BTBD8: variants seen among roughly 807,000 people sequenced by gnomAD.
BTBD8 encodes BTB/POZ domain-containing protein 8.
Under a neutral mutation model 162.9 loss-of-function variants are expected in BTBD8, and 110 were observed. The observed-to-expected ratio is 0.68, with a 90% confidence interval of 0.58 to 0.79. BTBD8 has a LOEUF of 0.79. BTBD8 is among the 30% of genes least tolerant of loss of function. The pLI is 0.00. For missense variants in BTBD8, 1,905 were observed against 2,085.4 expected (o/e 0.91, Z 1.68); for synonymous variants, 667 against 716.1 (o/e 0.93, Z 1.10).
intron 13 of BTBD8, 37 bp from the exon 14 acceptor site, chr1:92,176,792 C>A: frequency 1.0e-6 from 1 of 993,670 alleles, no homozygotes. Flanking sequence ...TTAAAGATTT[C>A]AGTCAAATTA....
At chr1:92,172,893 A>G (rs1650589955) in intron 13 of BTBD8, among the ~76,000 whole-genome samples, 2 of 152,178 alleles carry the variant, frequency 1.3e-5, no homozygotes, top group South Asian at 4.1e-4. Flanking sequence ...TCTAGCATCA[A>G]CTATAAGTTG....
In BTBD8 at chr1:92,147,443, A is replaced by G. The variant is rs549848810; in HGVS notation, c.1019+175A>G. On this transcript the variant is annotated intron_variant, in intron 8 of 17. Transcript: ENST00000636805. The stretch of plus-strand genomic sequence containing the variant: ...AGAATATTAATTTAGATATTACTCA[A>G]GTTACTTGGGATCATTTTATCTTAG... 2.6e-5 allele frequency among the ~76,000 whole-genome samples: 4 copies of G among 152,290 alleles called. No homozygotes were observed. The East Asian group carries it at 7.7e-4, about 29-fold the overall frequency.
intron 3 of BTBD8, among the ~76,000 whole-genome samples, chr1:92,105,812 A>G (rs1648711412): frequency 6.6e-6 from 1 of 152,262 alleles, no homozygotes; most frequent in South Asian, 2.1e-4. Context: ...GTGAGTATGT[A>G]TAGACAGAAC....
rs1648618386 is a variant in BTBD8, at chr1:92,102,625, T to C, written c.500T>C (p.Ile167Thr). The C allele has an allele frequency of 6.5e-7, 1 of 1,544,524 alleles. No individual in the cohort carries two copies. The highest frequency in any genetic ancestry group is 8.7e-7 in the Non-Finnish European group (1 of 1,147,494). Residue 167 changes from isoleucine to threonine, a missense_variant, in exon 3 of 18, where the codon ATT (isoleucine) becomes ACT (threonine). This residue lies in a region of BTBD8 where 1,374 missense variants were observed against 1,442.7 expected (regional missense o/e 0.95). Coordinates refer to ENST00000636805, the MANE Select transcript of BTBD8 (RefSeq NM_001376131.1). Reference sequence around the variant, plus strand: ...GATTGTTCTCTTCAGAAGCATGAAATTCCAGAGGATATCAGTGACAGAGAT... The same window carrying C: ...GATTGTTCTCTTCAGAAGCATGAAACTCCAGAGGATATCAGTGACAGAGAT... The part of the protein sequence containing the change: ...SSDCSLQKHE[I>T]PEDISDRDDD...
intron 4 of BTBD8, among the ~76,000 whole-genome samples, chr1:92,128,712 G>A (rs1351029327): frequency 6.6e-6 from 1 of 152,022 alleles, no homozygotes; most frequent in East Asian, 1.9e-4. Context: ...GAGTCACCGT[G>A]CCTGGCCTAT....
chr1:92,114,518 A>AT lies in BTBD8; in HGVS notation c.662+6525dup, dbSNP rs571589814. On this transcript the variant is annotated intron_variant, in intron 4 of 17. Transcript: ENST00000636805. ...TGTGCTTGCTTCGGCAGCACACATAATTTTTTTTATCTGTTCAAATAGGCT... is the reference window on the plus strand; with the variant it reads ...TGTGCTTGCTTCGGCAGCACACATAATTTTTTTTTATCTGTTCAAATAGGCT... Among the ~76,000 whole-genome samples the AT allele has an allele frequency of 4.3e-4, 66 of 152,060 alleles. 2 individuals are homozygous for AT. In the East Asian group the frequency reaches 0.012, roughly 28 times the overall value.
intron 1 of BTBD8, among the ~76,000 whole-genome samples, chr1:92,085,938 G>T (rs569052783): frequency 6.6e-6 from 1 of 152,282 alleles, no homozygotes; most frequent in South Asian, 2.1e-4. Context: ...GGCTGTGAAG[G>T]CCCTGAGCTC....
intron 4 of BTBD8, among the ~76,000 whole-genome samples, chr1:92,112,475 A>G (rs1648925806): frequency 6.6e-6 from 1 of 152,220 alleles, no homozygotes; most frequent in Non-Finnish European, 1.5e-5. Flanking sequence ...GGCTTATATC[A>G]GCAAACCCAT....
chr1:92,088,653 T>A (rs755723349), intron 1 of BTBD8, 45 bp from the exon 2 acceptor site: 67 of 1,423,224 alleles, frequency 4.7e-5, no homozygotes, highest in Non-Finnish European at 6.2e-5. Flanking sequence ...GTATACGTTT[T>A]TTAGTATCAC....
At chr1:92,149,871 G>C (rs992403905) in intron 9 of BTBD8, among the ~76,000 whole-genome samples, 3 of 152,164 alleles carry the variant, frequency 2.0e-5, no homozygotes, top group Non-Finnish European at 4.4e-5. Context: ...GAGGCAGTAA[G>C]ACTGACATGA....
intron 4 of BTBD8, among the ~76,000 whole-genome samples, chr1:92,109,472 C>T (rs1313433069): frequency 6.6e-6 from 1 of 152,078 alleles, no homozygotes; most frequent in Non-Finnish European, 1.5e-5. Context: ...AATGAACTAA[C>T]AGGACTGTGT....
chr1:92,132,192 G>A (rs1356782536), intron 5 of BTBD8, among the ~76,000 whole-genome samples: 4 of 152,176 alleles, frequency 2.6e-5, no homozygotes, highest in African/African-American at 9.7e-5. Flanking sequence ...GAAACACATG[G>A]CATAGGATTG....
chr1:92,142,973 T>G (rs1371763879), intron 7 of BTBD8, among the ~76,000 whole-genome samples: 1 of 152,214 alleles, frequency 6.6e-6, no homozygotes, highest in Admixed American at 6.5e-5. Flanking sequence ...TGCTCTACTC[T>G]CTATTTCACA....
chr1:92,092,480 C>T (rs903030875), intron 2 of BTBD8, among the ~76,000 whole-genome samples: 3 of 152,008 alleles, frequency 2.0e-5, no homozygotes, highest in Non-Finnish European at 2.9e-5. Flanking sequence ...CACAGTGAGG[C>T]GATGGTGTCT....
chr1:92,171,388 T>A lies in BTBD8; in HGVS notation c.1574-11T>A. 1 of 1,538,356 alleles carries A rather than the reference T, an allele frequency of 6.5e-7. No homozygotes were observed. Among genetic ancestry groups the A allele is most frequent in the Non-Finnish European group, 8.8e-7 (1 of 1,139,842 alleles). Reference sequence around the variant, plus strand: ...TTCCTTATAAAAACAAATTGCTGTTTCTTTCTACAGCTGCATTTGACAAAG... The same window carrying A: ...TTCCTTATAAAAACAAATTGCTGTTACTTTCTACAGCTGCATTTGACAAAG... On this transcript the variant is annotated splice_polypyrimidine_tract_variant and intron_variant, in intron 12 of 17. Transcript: ENST00000636805.
chr1:92,147,123 A>G, intron 7 of BTBD8, 57 bp from the exon 8 acceptor site: 2 of 1,347,800 alleles, frequency 1.5e-6, no homozygotes, highest in South Asian at 1.4e-5. Flanking sequence ...TGAACCAAAT[A>G]TTTTTAGGCT....
At chr1:92,117,829 A>G (rs1649086603) in intron 4 of BTBD8, among the ~76,000 whole-genome samples, 1 of 152,050 alleles carries the variant, frequency 6.6e-6, no homozygotes, top group Non-Finnish European at 1.5e-5. Flanking sequence ...GAAGAAAAGC[A>G]TTGTGATTGT....
chr1:92,169,175 C>T (rs1161403908), intron 12 of BTBD8, among the ~76,000 whole-genome samples, 180 bp downstream of exon 12: 2 of 152,098 alleles, frequency 1.3e-5, no homozygotes, highest in Admixed American at 6.5e-5. Context: ...TTTAGCTGTT[C>T]TTAGAAAATG....
At chr1:92,088,607 C>A in intron 1 of BTBD8, 91 bp from the exon 2 acceptor site, 1 of 992,898 alleles carries the variant, frequency 1.0e-6, no homozygotes, top group Non-Finnish European at 1.4e-6. Flanking sequence ...TATTTTTTAG[C>A]TTATGTGTTA....
Sources: gnomAD v4.1 joint callset for allele counts (sites outside exome capture counted in the v4.1 genomes callset) on GRCh38, gnomAD v4.1.1 for gene constraint, gnomAD v4.1.1 regional missense constraint, MANE v1.5 for transcripts, NCBI Gene and HGNC (gene_info 2026-07-23, HGNC 2026-07-21) for gene names.